The following PRKAR2B variants were observed in gnomAD, a reference collection of about 807,000 sequenced individuals.
PRKAR2B encodes the protein cAMP-dependent protein kinase type II-beta regulatory subunit.
In PRKAR2B, 14 loss-of-function variants were observed where a neutral mutation model predicts 49.9. The ratio of observed to expected loss-of-function variants is 0.28; its 90% CI spans 0.19 to 0.44. PRKAR2B has a LOEUF of 0.44. Ranked by LOEUF, PRKAR2B falls within the 20% of genes least tolerant of loss-of-function variation. The pLI, the probability that PRKAR2B is intolerant of heterozygous loss-of-function variation, is 1.00. For missense variants in PRKAR2B, 393 were observed against 537.9 expected (o/e 0.73, Z 2.67); for synonymous variants, 196 against 197.7 (o/e 0.99, Z 0.07).
Position 107,126,397 on chromosome 7 carries a change from G to A in PRKAR2B, c.397-1815G>A, listed in dbSNP as rs551897021. Among the ~76,000 whole-genome samples, 265 of 135,124 alleles carry A rather than the reference G, an allele frequency of 2.0e-3. 2 individuals carry two copies. Among genetic ancestry groups the A allele is most frequent in the African/African-American group, 7.2e-3 (250 of 34,670 alleles). The allele number at this position is 135,124 out of a possible 152,430, so 88.6% of individuals were successfully genotyped here. Reference sequence around the variant, plus strand: ...GATCGCACCACTACACTCCAGCCTGGGCAACAGAGTGAGAATCTGTCTCAA... The same window carrying A: ...GATCGCACCACTACACTCCAGCCTGAGCAACAGAGTGAGAATCTGTCTCAA... On this transcript the variant is annotated intron_variant, in intron 3 of 10. Transcript: ENST00000265717.
intron 2 of PRKAR2B, among the ~76,000 whole-genome samples, chr7:107,073,796 C>A (rs987798815): frequency 6.6e-6 from 1 of 152,086 alleles, no homozygotes; most frequent in Non-Finnish European, 1.5e-5. Flanking sequence ...TGTGGTGGCT[C>A]ACACCTGTAA....
chr7:107,118,903 T>TGTTTCA (rs1322433986), intron 2 of PRKAR2B, among the ~76,000 whole-genome samples: 2 of 152,176 alleles, frequency 1.3e-5, no homozygotes, highest in African/African-American at 4.8e-5. Context: ...GTAGATGAAT[T>TGTTTCA]CTAATGTAGT....
chr7:107,132,259 G>C (rs1048524897), intron 4 of PRKAR2B, among the ~76,000 whole-genome samples: 1 of 152,190 alleles, frequency 6.6e-6, no homozygotes, highest in Admixed American at 6.5e-5. Context: ...CTAGTGATGG[G>C]AGTGATGGAG....
At chr7:107,131,914 T>C (rs1795611005) in intron 4 of PRKAR2B, among the ~76,000 whole-genome samples, 1 of 152,256 alleles carries the variant, frequency 6.6e-6, no homozygotes, top group Non-Finnish European at 1.5e-5. Context: ...CCTTTCATTT[T>C]AATTTCTTGA....
At chr7:107,069,919 G>C (rs569235448) in intron 1 of PRKAR2B, 1 of 160,440 alleles carries the variant, frequency 6.2e-6, no homozygotes, top group East Asian at 1.8e-4. Context: ...ATCTCTAGTA[G>C]ATTTACCCTA....
intron 4 of PRKAR2B, among the ~76,000 whole-genome samples, chr7:107,130,538 A>T (rs1438375534): frequency 2.0e-5 from 3 of 152,102 alleles, no homozygotes; most frequent in African/African-American, 7.2e-5. Flanking sequence ...AAATAAAAAA[A>T]AGTTATGCCA....
At chr7:107,086,646 G>A (rs1416504298) in intron 2 of PRKAR2B, among the ~76,000 whole-genome samples, 3 of 152,018 alleles carry the variant, frequency 2.0e-5, no homozygotes, top group African/African-American at 7.2e-5. Flanking sequence ...TTTTTTTGTA[G>A]ATATGGGGCT....
intron 2 of PRKAR2B, among the ~76,000 whole-genome samples, chr7:107,102,280 C>G (rs191395244): frequency 3.9e-5 from 6 of 152,214 alleles, no homozygotes; most frequent in Non-Finnish European, 8.8e-5. Flanking sequence ...AGCACCAAGA[C>G]AGTTTACAAA....
chr7:107,150,017 A>C (rs1410864124), intron 6 of PRKAR2B, among the ~76,000 whole-genome samples: 1 of 152,108 alleles, frequency 6.6e-6, no homozygotes, highest in East Asian at 1.9e-4. Flanking sequence ...AAAAGTAAAA[A>C]AAAATTAAAA....
chr7:107,090,085 A>G (rs1401364715), intron 2 of PRKAR2B, among the ~76,000 whole-genome samples: 1 of 152,206 alleles, frequency 6.6e-6, no homozygotes, highest in East Asian at 1.9e-4. Flanking sequence ...AGTGACTGCA[A>G]TGTGCAAACA....
intron 2 of PRKAR2B, among the ~76,000 whole-genome samples, chr7:107,112,204 C>T (rs1466095457): frequency 7.6e-6 from 1 of 131,290 alleles, no homozygotes; most frequent in Non-Finnish European, 1.6e-5. Flanking sequence ...AAAAAAAGAA[C>T]CAAAAACCAA....
chr7:107,081,624 C>A (rs1330789495), intron 2 of PRKAR2B, among the ~76,000 whole-genome samples: 1 of 152,150 alleles, frequency 6.6e-6, no homozygotes, highest in Non-Finnish European at 1.5e-5. Flanking sequence ...CTTCCCCTTC[C>A]CTGCACCTCC....
intron 5 of PRKAR2B, 37 bp from the exon 6 acceptor site, chr7:107,146,271 T>G: frequency 3.2e-6 from 5 of 1,575,104 alleles, no homozygotes; most frequent in Non-Finnish European, 4.3e-6. Flanking sequence ...AATGATATTT[T>G]ATTTGAATTA....
At chr7:107,053,476 T>C (rs146523330) in intron 1 of PRKAR2B, among the ~76,000 whole-genome samples, 2 of 151,746 alleles carry the variant, frequency 1.3e-5, no homozygotes, top group East Asian at 1.9e-4. Context: ...ATATATAAAG[T>C]AGCCATGATC....
chr7:107,098,541 C>G (rs1037707534), intron 2 of PRKAR2B, among the ~76,000 whole-genome samples: 2 of 152,196 alleles, frequency 1.3e-5, no homozygotes, highest in African/African-American at 4.8e-5. Context: ...CTCTTTCCTG[C>G]TTTGTTCTGT....
At chr7:107,116,895 A>ATATGTG (rs1795284553) in intron 2 of PRKAR2B, among the ~76,000 whole-genome samples, 1 of 146,752 alleles carries the variant, frequency 6.8e-6, no homozygotes, top group African/African-American at 2.6e-5. Context: ...ATATATATAT[A>ATATGTG]TGTGTGTGTG....
intron 1 of PRKAR2B, chr7:107,067,244 A>G (rs752150845): frequency 5.9e-5 from 9 of 152,184 alleles, no homozygotes; most frequent in Non-Finnish European, 1.3e-4. Flanking sequence ...CTATTTTGGT[A>G]ATTAGACTAA....
chr7:107,099,969 TTTGTTGTTG>T (rs763538586), intron 2 of PRKAR2B, among the ~76,000 whole-genome samples: 1 of 152,008 alleles, frequency 6.6e-6, no homozygotes, highest in Non-Finnish European at 1.5e-5. Flanking sequence ...GTTGCTTGTT[TTTGTTGTTG>T]TTGTTGTTGA....
In PRKAR2B at chr7:107,115,937, A is replaced by T. The variant is rs191726255; in HGVS notation, c.344-6015A>T. ...TGGCCTTCCAAATTGCAGAGGCTCC[A>T]TTAGCCTGCAGCCTTCAGTAAGGAA... On this transcript the variant is annotated intron_variant, in intron 2 of 10. Coordinates refer to ENST00000265717, the MANE Select transcript of PRKAR2B (RefSeq NM_002736.3). 9.8e-4 allele frequency among the ~76,000 whole-genome samples: 149 copies of T among 152,330 alleles called. 1 individual carries two copies. Among genetic ancestry groups the T allele is most frequent in the African/African-American group, 3.5e-3 (146 of 41,578 alleles).
Sources: gnomAD v4.1 joint callset for allele counts (sites outside exome capture counted in the v4.1 genomes callset) on GRCh38, gnomAD v4.1.1 for gene constraint, MANE v1.5 for transcripts, NCBI Gene and HGNC (gene_info 2026-07-23, HGNC 2026-07-21) for gene names.